SYT17: variants seen among roughly 807,000 people sequenced by gnomAD.
The protein encoded by SYT17 is synaptotagmin 17.
SYT17 carries 22 observed loss-of-function variants against 46.7 expected under a neutral mutation model. That is an observed-to-expected ratio of 0.47 (90% CI 0.34 to 0.67). SYT17 has a LOEUF of 0.67. Ranked by LOEUF, SYT17 falls within the 30% of genes least tolerant of loss-of-function variation. SYT17 has a pLI of 0.01. For synonymous variants in SYT17, 251 were observed against 248.4 expected (o/e 1.01, Z -0.10); for missense variants, 519 against 612.8 (o/e 0.85, Z 1.62).
chr16:19,232,997 G>T (rs1966760626), intron 7 of SYT17, among the ~76,000 whole-genome samples: 1 of 152,122 alleles, frequency 6.6e-6, no homozygotes, highest in Non-Finnish European at 1.5e-5. Context: ...AATCAACCCA[G>T]GCGTCTGGGT....
intron 7 of SYT17, 106 bp from the exon 8 acceptor site, chr16:19,266,774 T>C: frequency 1.0e-6 from 1 of 998,896 alleles, no homozygotes; most frequent in Non-Finnish European, 1.4e-6. Flanking sequence ...ATGTTTGCAG[T>C]TGACAAATGT....
chr16:19,201,754 A>T (rs1965475999), intron 5 of SYT17, among the ~76,000 whole-genome samples: 2 of 152,048 alleles, frequency 1.3e-5, no homozygotes, highest in South Asian at 2.1e-4. Flanking sequence ...GTAGGCTTTA[A>T]AATCTGACAG....
chr16:19,198,248 A>G (rs1314380051), intron 5 of SYT17, among the ~76,000 whole-genome samples: 2 of 152,168 alleles, frequency 1.3e-5, no homozygotes, highest in Non-Finnish European at 2.9e-5. Flanking sequence ...TTACCACCAC[A>G]ACACTGATCT....
intron 7 of SYT17, among the ~76,000 whole-genome samples, chr16:19,242,549 G>T (rs1210032313): frequency 6.6e-6 from 1 of 151,918 alleles, no homozygotes; most frequent in East Asian, 1.9e-4. Flanking sequence ...TTTTGAGATG[G>T]GGTCTCACTC....
chr16:19,185,124 T>A (rs921797033), intron 5 of SYT17, among the ~76,000 whole-genome samples: 1 of 151,778 alleles, frequency 6.6e-6, no homozygotes, highest in Non-Finnish European at 1.5e-5. Flanking sequence ...CTCCCTTCCT[T>A]CCCTGCTACC....
chr16:19,178,874 G>A (rs1029445967), intron 3 of SYT17, among the ~76,000 whole-genome samples: 3 of 151,886 alleles, frequency 2.0e-5, no homozygotes, highest in Non-Finnish European at 2.9e-5. Flanking sequence ...AGTATTGGGG[G>A]GGATCTTAAA....
At chr16:19,184,747 G>A (rs547200536) in intron 5 of SYT17, among the ~76,000 whole-genome samples, 1 of 152,208 alleles carries the variant, frequency 6.6e-6, no homozygotes, top group East Asian at 1.9e-4. Flanking sequence ...AATCATCGAT[G>A]CTGAGTTATT....
chr16:19,179,128 C>G (rs1964443536), intron 3 of SYT17, among the ~76,000 whole-genome samples: 1 of 152,030 alleles, frequency 6.6e-6, no homozygotes, highest in African/African-American at 2.4e-5. Context: ...CTGTTCTAAG[C>G]ATTTTATTTA....
chr16:19,190,739 CCTTT>C (rs1266508933), intron 5 of SYT17, among the ~76,000 whole-genome samples: 1 of 151,008 alleles, frequency 6.6e-6, no homozygotes, highest in Non-Finnish European at 1.5e-5. Flanking sequence ...GAATTTCCTT[CCTTT>C]CTAAGGCTGA....
At chr16:19,199,765 A>G (rs181001601) in intron 5 of SYT17, among the ~76,000 whole-genome samples, 80 of 152,240 alleles carry the variant, frequency 5.3e-4, no homozygotes, top group African/African-American at 1.8e-3. Context: ...ACAAAAAAGG[A>G]TGATATTGAT....
At chr16:19,254,223 C>T (rs539321523) in intron 7 of SYT17, among the ~76,000 whole-genome samples, 27 of 152,318 alleles carry the variant, frequency 1.8e-4, no homozygotes, top group Non-Finnish European at 3.1e-4. Flanking sequence ...AGTGAGTCTG[C>T]TGGACAGGCT....
intron 7 of SYT17, among the ~76,000 whole-genome samples, chr16:19,250,523 G>T (rs913148717): frequency 6.6e-6 from 1 of 151,922 alleles, no homozygotes; most frequent in African/African-American, 2.4e-5. Context: ...GACTCCAGGG[G>T]CACCCCACTA....
intron 7 of SYT17, among the ~76,000 whole-genome samples, chr16:19,236,231 C>T (rs1482052096): frequency 3.3e-5 from 5 of 152,220 alleles, no homozygotes; most frequent in South Asian, 4.1e-4. Flanking sequence ...TGCTTTACCA[C>T]GCTGAACCTC....
chr16:19,197,559 C>T (rs1012576429), intron 5 of SYT17, among the ~76,000 whole-genome samples: 4 of 152,076 alleles, frequency 2.6e-5, no homozygotes, highest in Non-Finnish European at 5.9e-5. Context: ...AGCAATCCTC[C>T]TGCCTCAGCC....
At chr16:19,208,363 C>T (rs976765469) in intron 5 of SYT17, among the ~76,000 whole-genome samples, 2 of 152,114 alleles carry the variant, frequency 1.3e-5, no homozygotes, top group African/African-American at 4.8e-5. Flanking sequence ...AAAAGAGGTT[C>T]CGTTGACTCA....
At chr16:19,214,921 T>A (rs922439655) in intron 5 of SYT17, among the ~76,000 whole-genome samples, 2 of 152,076 alleles carry the variant, frequency 1.3e-5, no homozygotes, top group African/African-American at 4.8e-5. Flanking sequence ...CCTGAGCAAC[T>A]GGGATTGCAG....
chr16:19,214,784 T>C (rs895948388), intron 5 of SYT17, among the ~76,000 whole-genome samples: 8 of 151,046 alleles, frequency 5.3e-5, no homozygotes, highest in Non-Finnish European at 8.9e-5. Context: ...TTCAAGATAA[T>C]AATAATTCTC....
chr16:19,172,520 T>C (rs1964137631), intron 1 of SYT17: 1 of 1,494,268 alleles, frequency 6.7e-7, no homozygotes, highest in South Asian at 1.3e-5. Context: ...AAGTTTCCCA[T>C]TTATTTGGTG....
rs181011993 is a variant in SYT17 at position 19,260,384 on chromosome 16, C to T, written c.1229-6496C>T. ...AAAAAGCCAGGCATAGTGGTGTGCA[C>T]CTGTGGTCCCAGCTAGTTGGGAAGC... On this transcript the variant is annotated intron_variant, in intron 7 of 7. Transcript: ENST00000355377. 4.2e-5 allele frequency among the ~76,000 whole-genome samples: 6 copies of T among 141,870 alleles called. No individual in the cohort carries two copies. In the East Asian group the frequency reaches 1.0e-3, roughly 24 times the overall value. 93.1% of individuals were successfully genotyped at this position (141,870 alleles called of 152,430 possible).
Sources: allele counts gnomAD v4.1 joint callset (sites outside exome capture counted in the v4.1 genomes callset), GRCh38; gene constraint gnomAD v4.1.1; transcripts MANE v1.5; gene names NCBI Gene and HGNC (gene_info 2026-07-23, HGNC 2026-07-21).